DAB1: variants seen among roughly 807,000 people sequenced by gnomAD.
The protein encoded by DAB1 is disabled homolog 1.
A neutral mutation model predicts 64.6 loss-of-function variants in DAB1; 15 were observed. The ratio of observed to expected loss-of-function variants is 0.23; its 90% CI spans 0.16 to 0.36. DAB1 has a LOEUF of 0.36. DAB1 is among the 10% of genes least tolerant of loss of function. DAB1 has a pLI of 1.00. For missense variants in DAB1, 596 were observed against 706.7 expected, an observed-to-expected ratio of 0.84 and a Z score of 1.78; for synonymous variants, 235 against 251.9, an observed-to-expected ratio of 0.93 and a Z score of 0.64.
At position 58,539,220 on chromosome 1, in the gene DAB1, C is replaced by G. The variant is rs894909535; in HGVS notation, n.32+7483G>C. Reference sequence around the variant, plus strand: ...TGGATGCTAATGTGTTACATTTTCTCCAGTTAGACAGTGAATTAAATCGGA... The same window carrying G: ...TGGATGCTAATGTGTTACATTTTCTGCAGTTAGACAGTGAATTAAATCGGA... On this transcript the variant is annotated intron_variant and non_coding_transcript_variant, in intron 1 of 20. Coordinates refer to the DAB1 transcript ENST00000485760. 11 of 872,438 alleles carry G rather than the reference C, an allele frequency of 1.3e-5. No individual in the cohort carries two copies. The Admixed American group carries it at 1.4e-4, about 11-fold the overall frequency. 54.0% of individuals were successfully genotyped at this position (872,438 alleles called of 1,614,324 possible). A position where few individuals can be genotyped will look rare whatever the true frequency, so the allele number is the denominator to read the frequency against.
chr1:58,113,127 T>C (rs1652079606), intron 5 of DAB1, among the ~76,000 whole-genome samples: 1 of 152,130 alleles, frequency 6.6e-6, no homozygotes, highest in South Asian at 2.1e-4. Context: ...AAAAGGATCG[T>C]GGCACAGAGG....
At chr1:57,036,213 C>T (rs1010194240) in intron 9 of DAB1, among the ~76,000 whole-genome samples, 3 of 152,114 alleles carry the variant, frequency 2.0e-5, no homozygotes, top group African/African-American at 7.2e-5. Context: ...AAACCACCTC[C>T]ACTCAAGAGC....
At chr1:57,140,260 T>C (rs1658474639) in intron 3 of DAB1, among the ~76,000 whole-genome samples, 1 of 152,182 alleles carries the variant, frequency 6.6e-6, no homozygotes, top group South Asian at 2.1e-4. Flanking sequence ...CTTGGGTGCC[T>C]ATGCTAGAGG....
At chr1:58,142,160 C>T (rs992615764) in intron 5 of DAB1, among the ~76,000 whole-genome samples, 3 of 152,152 alleles carry the variant, frequency 2.0e-5, no homozygotes, top group African/African-American at 4.8e-5. Flanking sequence ...GGCTCCTCCA[C>T]AGAGGGCAGG....
chr1:57,382,350 C>A (rs1030721037), intron 1 of DAB1, among the ~76,000 whole-genome samples: 2 of 152,172 alleles, frequency 1.3e-5, no homozygotes, highest in African/African-American at 4.8e-5. Context: ...CCTTACCTCC[C>A]AATGTTGGTT....
chr1:57,899,712 T>C (rs1644445218), intron 5 of DAB1, among the ~76,000 whole-genome samples: 1 of 152,012 alleles, frequency 6.6e-6, no homozygotes, highest in Admixed American at 6.6e-5. Context: ...AAAAAAGTAC[T>C]TTAGAAGCCT....
chr1:57,117,265 A>G (rs1656222711), intron 4 of DAB1, among the ~76,000 whole-genome samples: 3 of 152,242 alleles, frequency 2.0e-5, no homozygotes, highest in Non-Finnish European at 4.4e-5. Context: ...CTGGCTGGCC[A>G]TCTCTGTAAT....
chr1:57,386,603 A>T (rs1022688646), intron 1 of DAB1: 2 of 152,102 alleles, frequency 1.3e-5, no homozygotes, highest in Admixed American at 6.5e-5. Flanking sequence ...TTTGCAGATG[A>T]ACAAACTGAG....
At chr1:57,265,018 C>G (rs1670481741) in intron 2 of DAB1, among the ~76,000 whole-genome samples, 1 of 152,116 alleles carries the variant, frequency 6.6e-6, no homozygotes, top group Admixed American at 6.6e-5. Context: ...TTGAATTTAC[C>G]TGAATTTCAT....
intron 1 of DAB1, among the ~76,000 whole-genome samples, chr1:57,871,122 CCCT>C (rs1297965266): frequency 2.0e-5 from 3 of 152,106 alleles, no homozygotes; most frequent in African/African-American, 4.8e-5. Context: ...AGCAATATCA[CCCT>C]CCTCCTCCTC....
At chr1:58,484,860 T>C (rs1415776279) in intron 3 of DAB1, among the ~76,000 whole-genome samples, 1 of 151,884 alleles carries the variant, frequency 6.6e-6, no homozygotes, top group Admixed American at 6.6e-5. Context: ...AAGGCACAAC[T>C]ATGGAGACAG....
chr1:58,422,556 G>T (rs1569758472), intron 3 of DAB1, among the ~76,000 whole-genome samples: 1 of 151,630 alleles, frequency 6.6e-6, no homozygotes, highest in Non-Finnish European at 1.5e-5. Flanking sequence ...TCATGGTCAC[G>T]GTCAGGAAGC....
intron 5 of DAB1, among the ~76,000 whole-genome samples, chr1:58,096,615 A>C (rs952352102): frequency 6.6e-6 from 1 of 152,232 alleles, no homozygotes; most frequent in Non-Finnish European, 1.5e-5. Flanking sequence ...ATGGTTCAAC[A>C]CTTGCCCCAT....
At chr1:57,290,320 G>T (rs887374281) in intron 2 of DAB1, among the ~76,000 whole-genome samples, 4 of 152,112 alleles carry the variant, frequency 2.6e-5, no homozygotes, top group Non-Finnish European at 5.9e-5. Flanking sequence ...TCTTAAAGTA[G>T]GGTCTCTGGA....
intron 4 of DAB1, among the ~76,000 whole-genome samples, chr1:58,323,624 A>C (rs188907353): frequency 1.3e-5 from 2 of 152,280 alleles, no homozygotes; most frequent in Non-Finnish European, 2.9e-5. Flanking sequence ...AGTACAAGCC[A>C]TGCACTCTAC....
At chr1:57,905,414 A>T (rs1413069206) in intron 5 of DAB1, among the ~76,000 whole-genome samples, 7 of 152,052 alleles carry the variant, frequency 4.6e-5, no homozygotes, top group Non-Finnish European at 7.4e-5. Context: ...AACCATTTGG[A>T]AATTGCAATG....
chr1:57,952,851 T>G (rs961382560), intron 5 of DAB1, among the ~76,000 whole-genome samples: 1 of 152,198 alleles, frequency 6.6e-6, no homozygotes, highest in South Asian at 2.1e-4. Flanking sequence ...ATTGACCAGC[T>G]GCACAGATGG....
intron 7 of DAB1, among the ~76,000 whole-genome samples, chr1:57,069,900 T>A (rs1651288693): frequency 2.0e-5 from 3 of 152,218 alleles, no homozygotes; most frequent in African/African-American, 4.8e-5. Context: ...AAATATCACC[T>A]TATTTTGCGT....
intron 4 of DAB1, among the ~76,000 whole-genome samples, chr1:58,341,723 T>G (rs1198294595): frequency 6.6e-6 from 1 of 152,130 alleles, no homozygotes; most frequent in Non-Finnish European, 1.5e-5. Context: ...GGAGGCAACA[T>G]GATATACTGG....
Sources: allele counts gnomAD v4.1 joint callset (sites outside exome capture counted in the v4.1 genomes callset), GRCh38; gene constraint gnomAD v4.1.1; transcripts MANE v1.5; gene names NCBI Gene and HGNC (gene_info 2026-07-23, HGNC 2026-07-21).